MMP10: variants seen among roughly 807,000 people sequenced by gnomAD.
MMP10 encodes the protein stromelysin-2.
Under a neutral mutation model 49.1 loss-of-function variants are expected in MMP10, and 50 were observed. The ratio of observed to expected loss-of-function variants is 1.02; its 90% CI spans 0.81 to 1.29. The LOEUF is 1.29. Among genes scored for constraint, MMP10 ranks in the 50% most tolerant of loss-of-function variants. The probability of loss-of-function intolerance (pLI) is 0.00; values close to 1 mark genes in which losing one functional copy is unlikely to be tolerated. For synonymous variants in MMP10, 229 were observed against 201.6 expected, an observed-to-expected ratio of 1.14 and a Z score of -1.15; for missense variants, 613 against 563.8, an observed-to-expected ratio of 1.09 and a Z score of -0.88.
Position 102,775,245 on chromosome 11 carries a change from A to T in MMP10, c.1009T>A (p.Ser337Thr). 1 of 1,610,450 alleles carries T rather than the reference A, an allele frequency of 6.2e-7. No homozygotes were observed. Residue 337 changes from serine to threonine, a missense_variant, in exon 7 of 10, where the codon TCA becomes ACA. Transcript: ENST00000279441. ...LISAFWPSLPSYLDAAYEVNS... is the reference protein window; with the variant it reads ...LISAFWPSLPTYLDAAYEVNS... ...ACTTCATATGCAGCATCCAAATATG[A>T]TGGAAGAGAGGGCCAAAATGCAGAA...
intron 4 of MMP10, among the ~76,000 whole-genome samples, chr11:102,777,365 C>T (rs1002848862): frequency 5.9e-5 from 9 of 151,942 alleles, no homozygotes; most frequent in African/African-American, 1.5e-4. Flanking sequence ...AAGCGATTCT[C>T]GTGCCTCAGC....
chr11:102,776,952 A>G (rs1433904188), intron 4 of MMP10, among the ~76,000 whole-genome samples, 176 bp from the exon 5 acceptor site: 1 of 152,210 alleles, frequency 6.6e-6, no homozygotes, highest in Non-Finnish European at 1.5e-5. Context: ...GTGTTTTTCA[A>G]GGTTGACTTT....
intron 9 of MMP10, among the ~76,000 whole-genome samples, chr11:102,771,503 A>G (rs1330440986): frequency 1.3e-5 from 2 of 152,278 alleles, no homozygotes; most frequent in East Asian, 3.9e-4. Context: ...CTATTTGCCC[A>G]TTACCAGGAA....
At position 102,778,312 on chromosome 11, in the gene MMP10, T is replaced by C. The variant is rs192647372; in HGVS notation, c.622+312A>G. Reference sequence around the variant, plus strand: ...AATGGAATTCATTCTATCCTAATCATCTATCATTAAAGTGATGAAAAACAT... The same window carrying C: ...AATGGAATTCATTCTATCCTAATCACCTATCATTAAAGTGATGAAAAACAT... On this transcript the variant is annotated intron_variant, in intron 4 of 9. Transcript: ENST00000279441. 1.1e-3 allele frequency among the ~76,000 whole-genome samples: 163 copies of C among 152,310 alleles called. 1 individual carries two copies. Among genetic ancestry groups the C allele is most frequent in the African/African-American group, 3.9e-3 (161 of 41,582 alleles).
In MMP10 at chr11:102,780,593, C is replaced by A. The variant is rs750968905; in HGVS notation, c.-2G>T. 11 of 1,613,006 alleles carry A rather than the reference C, an allele frequency of 6.8e-6. No individual in the cohort carries two copies. The African/African-American group carries it at 1.3e-4, about 20-fold the overall frequency. On this transcript the variant is annotated 5_prime_UTR_variant, in exon 1 of 10. Transcript: ENST00000279441. ...CACAAGGAATGCAAGATGCATCATT[C>A]TCACTGCCCTTACCTTCTTTGTCTA...
At chr11:102,778,522 T>C (rs752194752) in intron 4 of MMP10, 102 bp downstream of exon 4, 8 of 1,420,510 alleles carry the variant, frequency 5.6e-6, no homozygotes, top group Non-Finnish European at 7.7e-6. Flanking sequence ...AAAAATTCAG[T>C]TACTAGTATA....
chr11:102,770,729 T>C lies in MMP10; in HGVS notation c.*64A>G. ...AAAAATTAACCATTTTGGCTCATAA[T>C]ACATTAGATGAATAATTATTAGATT... On this transcript the variant is annotated 3_prime_UTR_variant, in exon 10 of 10. Coordinates refer to ENST00000279441, the MANE Select transcript of MMP10 (RefSeq NM_002425.3). The C allele has an allele frequency of 1.8e-6, 2 of 1,110,698 alleles. No individual in the cohort carries two copies. Among genetic ancestry groups the C allele is most frequent in the Non-Finnish European group, 2.6e-6 (2 of 761,958 alleles). The allele number at this position is 1,110,698 out of a possible 1,614,324, so 68.8% of individuals were successfully genotyped here.
chr11:102,774,275 GGTAA>G (rs1186278788), intron 7 of MMP10, among the ~76,000 whole-genome samples: 17 of 151,870 alleles, frequency 1.1e-4, no homozygotes, highest in Non-Finnish European at 1.8e-4. Context: ...AAGTTAATAA[GGTAA>G]GTATCAAACT....
chr11:102,776,216 G>A (rs1857730264), intron 6 of MMP10, 64 bp downstream of exon 6: 3 of 1,456,164 alleles, frequency 2.1e-6, no homozygotes, highest in Admixed American at 2.2e-5. Flanking sequence ...TCAAGTTTCT[G>A]TTTTTCTTTC....
rs17861006 is a variant in MMP10 at position 102,771,204 on chromosome 11, G to A, written c.1331-311C>T. On this transcript the variant is annotated intron_variant, in intron 9 of 9. Transcript: ENST00000279441. ...CAAAGGAAGTGCTCTAAAACATTAC[G>A]TCATACTGGTTCTAAAGAGATAAAA... Among the ~76,000 whole-genome samples, 68 of 152,224 alleles carry A rather than the reference G, an allele frequency of 4.5e-4. No homozygotes were observed. The East Asian group carries it at 8.1e-3, about 18-fold the overall frequency.
In MMP10 at chr11:102,773,038, T is replaced by C. The variant is rs775329513; in HGVS notation, c.1067-32A>G. On this transcript the variant is annotated intron_variant, in intron 7 of 9. Coordinates refer to ENST00000279441, the MANE Select transcript of MMP10 (RefSeq NM_002425.3). ...AAAAAATAAATCCAAGACATTTTACTTGAAGCCATTGATTTTAAAAATAAT... is the reference window on the plus strand; with the variant it reads ...AAAAAATAAATCCAAGACATTTTACCTGAAGCCATTGATTTTAAAAATAAT... 1.0e-5 allele frequency: 16 copies of C among 1,559,656 alleles called. No homozygotes were observed. In the Admixed American group the frequency reaches 2.9e-4, roughly 28 times the overall value.
rs1423355542 is a variant in MMP10, at chr11:102,776,651, G to C, written c.748C>G (p.Leu250Val). 16 of 1,613,576 alleles carry C rather than the reference G, an allele frequency of 9.9e-6. No homozygotes were observed. The highest frequency in any genetic ancestry group is 1.4e-5 in the Non-Finnish European group (16 of 1,179,914). Residue 250 changes from leucine (L) to valine (V), a missense_variant, in exon 5 of 10, where the codon CTT becomes GTT. Coordinates refer to ENST00000279441, the MANE Select transcript of MMP10 (RefSeq NM_002425.3). Reference protein sequence around the residue: ...NSFTELAQFRLSQDDVNGIQS... With the variant: ...NSFTELAQFRVSQDDVNGIQS... ...ATGCCATTCACATCATCTTGCGAAA[G>C]GCGGAACTGGGCGAGCTCTGTGAAT...
In MMP10 at chr11:102,770,577, T is replaced by C; in HGVS notation, c.*216A>G. 2 of 434,988 alleles carry C rather than the reference T, an allele frequency of 4.6e-6. No homozygotes were observed. Among genetic ancestry groups the C allele is most frequent in the Non-Finnish European group, 8.1e-6 (2 of 248,164 alleles). 26.9% of individuals were successfully genotyped at this position (434,988 alleles called of 1,614,324 possible). ...CTATGAAAATACATTCTCTCACCTATTGCACATGAGTATTTCTTAATTCTG... is the reference window on the plus strand; with the variant it reads ...CTATGAAAATACATTCTCTCACCTACTGCACATGAGTATTTCTTAATTCTG... On this transcript the variant is annotated 3_prime_UTR_variant, in exon 10 of 10. Coordinates refer to ENST00000279441, the MANE Select transcript of MMP10 (RefSeq NM_002425.3).
intron 1 of MMP10, 104 bp from the exon 2 acceptor site, chr11:102,779,849 G>A: frequency 1.5e-6 from 2 of 1,298,938 alleles, no homozygotes; most frequent in South Asian, 1.5e-5. Context: ...AACAAAAGAG[G>A]CTATCACATT....
chr11:102,771,677 A>G (rs1009230060), intron 9 of MMP10, among the ~76,000 whole-genome samples: 24 of 152,332 alleles, frequency 1.6e-4, no homozygotes, highest in Admixed American at 5.9e-4. Flanking sequence ...ACAACCAGCC[A>G]TCAGTAAGCC....
chr11:102,772,002 G>C lies in MMP10; in HGVS notation c.1330+10C>G, dbSNP rs764912804. Reference sequence around the variant, plus strand: ...ATTCCTGCATGACAATGAAATAAGGGTCTTCTTACCAAATGCCTGTAATAC... The same window carrying C: ...ATTCCTGCATGACAATGAAATAAGGCTCTTCTTACCAAATGCCTGTAATAC... On this transcript the variant is annotated intron_variant, in intron 9 of 9. Transcript: ENST00000279441. The surrounding 1 kb of genome is among the most constrained non-coding windows in gnomAD (Gnocchi z 4.4). 2.0e-6 allele frequency: 3 copies of C among 1,530,284 alleles called. No individual in the cohort carries two copies. The Admixed American group carries it at 5.1e-5, about 26-fold the overall frequency. The allele number at this position is 1,530,284 out of a possible 1,614,324, so 94.8% of individuals were successfully genotyped here. A position where few individuals can be genotyped will look rare whatever the true frequency, so the allele number is the denominator to read the frequency against.
intron 4 of MMP10, among the ~76,000 whole-genome samples, 164 bp downstream of exon 4, chr11:102,778,460 C>A (rs1049912382): frequency 1.3e-5 from 2 of 152,138 alleles, no homozygotes; most frequent in African/African-American, 2.4e-5. Context: ...TTATAAAATT[C>A]TTCAATAATG....
At chr11:102,779,832 T>G in intron 1 of MMP10, 87 bp from the exon 2 acceptor site, 1 of 1,435,964 alleles carries the variant, frequency 7.0e-7, no homozygotes, top group Non-Finnish European at 9.4e-7. Flanking sequence ...TTCCTCTAGT[T>G]TCTTAAAACA....
intron 7 of MMP10, 87 bp from the exon 8 acceptor site, chr11:102,773,093 G>A: frequency 2.2e-6 from 3 of 1,334,600 alleles, no homozygotes; most frequent in Non-Finnish European, 2.0e-6. Flanking sequence ...AAAGAGGAAG[G>A]CTTGGTTTTA....
Sources: gnomAD v4.1 joint callset for allele counts (sites outside exome capture counted in the v4.1 genomes callset) on GRCh38, gnomAD v4.1.1 for gene constraint, Gnocchi (gnomAD v3.1) non-coding constraint, MANE v1.5 for transcripts, NCBI Gene and HGNC (gene_info 2026-07-23, HGNC 2026-07-21) for gene names.